Variants in ZFYVE16 observed in about 807,000 individuals in gnomAD.
The protein encoded by ZFYVE16 is zinc finger FYVE domain-containing protein 16.
ZFYVE16 carries 89 observed loss-of-function variants against 138.1 expected under a neutral mutation model. That is an observed-to-expected ratio of 0.64 (90% CI 0.54 to 0.77). ZFYVE16 has a LOEUF of 0.77. ZFYVE16 is among the 30% of genes least tolerant of loss of function. ZFYVE16 has a pLI of 0.00. For missense variants in ZFYVE16, 1,793 were observed against 1,786.7 expected (o/e 1.00, Z -0.06); for synonymous variants, 596 against 618.3 (o/e 0.96, Z 0.53).
chr5:80,468,067 T>C (rs1357265869), intron 15 of ZFYVE16, among the ~76,000 whole-genome samples: 1 of 152,210 alleles, frequency 6.6e-6, no homozygotes, highest in Non-Finnish European at 1.5e-5. Flanking sequence ...ATATGCTTTA[T>C]TCTTCTTTTC....
chr5:80,422,694 C>T (rs184871616), intron 1 of ZFYVE16, among the ~76,000 whole-genome samples: 8 of 152,240 alleles, frequency 5.3e-5, no homozygotes, highest in Non-Finnish European at 1.0e-4. Flanking sequence ...ACCTTGTGAT[C>T]TGCCCGTCTC....
chr5:80,475,614 C>T (rs757310770), intron 18 of ZFYVE16, among the ~76,000 whole-genome samples: 1 of 152,142 alleles, frequency 6.6e-6, no homozygotes, highest in Non-Finnish European at 1.5e-5. Context: ...TTCATCTTCC[C>T]TCTTTTACAC....
chr5:80,438,988 A>G lies in ZFYVE16; in HGVS notation c.2303A>G (p.His768Arg). The change falls in exon 4 of 19, where the codon CAT becomes CGT. Residue 768 changes from histidine (H) to arginine (R), a missense_variant. Physicochemically the swap from His to Arg is conservative, Grantham distance 29. Around this residue, in one of 2 missense-constraint regions of ZFYVE16, gnomAD observed 1,295 missense variants for 1,204.3 expected, o/e 1.08. Coordinates refer to ENST00000505560, the MANE Select transcript of ZFYVE16 (RefSeq NM_001284236.3). ...TTTACTTTTACCAAACGGCGACACC[A>G]TTGCCGAGCATGTGGGAAAGTAAGT... ...VKFTFTKRRHHCRACGKVFCG... is the reference protein window; with the variant it reads ...VKFTFTKRRHRCRACGKVFCG... The G allele has an allele frequency of 6.2e-7, 1 of 1,605,870 alleles. No individual in the cohort carries two copies.
chr5:80,409,846 GTTAGGT>G (rs1745165741), intron 1 of ZFYVE16: 1 of 152,228 alleles, frequency 6.6e-6, no homozygotes, highest in African/African-American at 2.4e-5. Flanking sequence ...TTGGTGGGCT[GTTAGGT>G]TGTTTAAAAT....
chr5:80,437,277 A>G lies in ZFYVE16; in HGVS notation c.592A>G (p.Asn198Asp). Residue 198 changes from asparagine to aspartate, a missense_variant, in exon 4 of 19, where the codon AAT (asparagine) becomes GAT (aspartate). Physicochemically the swap from Asn to Asp is conservative, Grantham distance 23 (BLOSUM62 1). Coordinates refer to ENST00000505560, the MANE Select transcript of ZFYVE16 (RefSeq NM_001284236.3). ...GAATGATATCAGTTCTGAATTACAAAATAGAGAAATCGGAGGAATCAAAGA... is the reference window on the plus strand; with the variant it reads ...GAATGATATCAGTTCTGAATTACAAGATAGAGAAATCGGAGGAATCAAAGA... ...QQNDISSELQNREIGGIKELG... is the reference protein window; with the variant it reads ...QQNDISSELQDREIGGIKELG... 1 of 1,610,726 alleles carries G rather than the reference A, an allele frequency of 6.2e-7. No individual in the cohort carries two copies. The highest frequency in any genetic ancestry group is 1.1e-5 in the South Asian group (1 of 90,704).
Position 80,418,242 on chromosome 5 carries a change from TCTC to T in ZFYVE16, c.-93-9246_-93-9244del, listed in dbSNP as rs536849763. Among the ~76,000 whole-genome samples, 3 of 150,350 alleles carry T rather than the reference TCTC, an allele frequency of 2.0e-5. No homozygotes were observed. In the South Asian group the frequency reaches 6.4e-4, roughly 32 times the overall value. Reference sequence around the variant, plus strand: ...CTCTCCTCTCTCCTTTCTCTTCTCCTCTCCTCTTTCCTTTCCCCTCCTCTTTGC... The same window carrying T: ...CTCTCCTCTCTCCTTTCTCTTCTCCTCTCTTTCCTTTCCCCTCCTCTTTGC... On this transcript the variant is annotated intron_variant, in intron 1 of 18. Transcript: ENST00000505560.
chr5:80,414,789 C>T (rs1745968349), intron 1 of ZFYVE16, among the ~76,000 whole-genome samples: 2 of 152,088 alleles, frequency 1.3e-5, no homozygotes, highest in South Asian at 4.1e-4. Flanking sequence ...AAGTAAATAA[C>T]TGCTTTAGAA....
chr5:80,443,388 C>T, intron 6 of ZFYVE16, 104 bp downstream of exon 6: 2 of 1,302,418 alleles, frequency 1.5e-6, no homozygotes, highest in South Asian at 1.4e-5. Flanking sequence ...GACTAGGTAT[C>T]AAGAGAGATT....
chr5:80,418,103 T>A (rs1746520580), intron 1 of ZFYVE16, among the ~76,000 whole-genome samples: 1 of 152,212 alleles, frequency 6.6e-6, no homozygotes, highest in Non-Finnish European at 1.5e-5. Context: ...AGATGTCCAT[T>A]CAGTACTTTT....
chr5:80,440,784 T>A, intron 5 of ZFYVE16: 4 of 985,180 alleles, frequency 4.1e-6, no homozygotes, highest in Non-Finnish European at 4.8e-6. Flanking sequence ...GTTTAATTCC[T>A]AGCAAATATT....
chr5:80,441,204 G>T (rs1750670637), intron 5 of ZFYVE16: 1 of 985,348 alleles, frequency 1.0e-6, no homozygotes, highest in Non-Finnish European at 1.2e-6. Flanking sequence ...CACTTAAAAA[G>T]AAATTAAACA....
At chr5:80,461,988 A>G (rs1362326672) in intron 15 of ZFYVE16, among the ~76,000 whole-genome samples, 2 of 152,048 alleles carry the variant, frequency 1.3e-5, no homozygotes, top group Non-Finnish European at 2.9e-5. Flanking sequence ...AAAACAAAAA[A>G]AAAACACCAG....
chr5:80,472,721 T>A, intron 15 of ZFYVE16, 40 bp from the exon 16 acceptor site: 1 of 1,595,736 alleles, frequency 6.3e-7, no homozygotes, highest in Non-Finnish European at 8.6e-7. Context: ...TACACATTGG[T>A]ATTTGGCAAA....
rs769795629 is a variant in ZFYVE16 at position 80,438,012 on chromosome 5, C to T, written c.1327C>T (p.Leu443Phe). ...LLKQEKCKSI[L>F]LQSLIEGMED... Reference sequence around the variant, plus strand: ...GAAACAGGAAAAATGTAAAAGCATACTCCTTCAGTCATTAATTGAAGGGAT... The same window carrying T: ...GAAACAGGAAAAATGTAAAAGCATATTCCTTCAGTCATTAATTGAAGGGAT... The change falls in exon 4 of 19, where the codon CTC (leucine) becomes TTC (phenylalanine). Residue 443 changes from leucine (L) to phenylalanine (F), a missense_variant. Around this residue, in one of 2 missense-constraint regions of ZFYVE16, gnomAD observed 1,295 missense variants for 1,204.3 expected, o/e 1.08. Coordinates refer to ENST00000505560, the MANE Select transcript of ZFYVE16 (RefSeq NM_001284236.3). 1.9e-6 allele frequency: 3 copies of T among 1,614,036 alleles called. No homozygotes were observed. Among genetic ancestry groups the T allele is most frequent in the South Asian group, 2.2e-5 (2 of 91,070 alleles).
At position 80,438,274 on chromosome 5, in the gene ZFYVE16, A is replaced by T; in HGVS notation, c.1589A>T (p.Asp530Val). Residue 530 changes from aspartate (D) to valine (V), a missense_variant, in exon 4 of 19, where the codon GAT becomes GTT. Around this residue, in one of 2 missense-constraint regions of ZFYVE16, gnomAD observed 1,295 missense variants for 1,204.3 expected, o/e 1.08. Transcript: ENST00000505560. ...GCAAAAAGTGGCCCACTAATTAGTG[A>T]TGCTGAACTTGATGCCTTTCTGACA... The part of the protein sequence containing the change: ...EGAKSGPLIS[D>V]AELDAFLTEQ... The T allele has an allele frequency of 6.2e-7, 1 of 1,614,094 alleles. No individual in the cohort carries two copies. Among genetic ancestry groups the T allele is most frequent in the Non-Finnish European group, 8.5e-7 (1 of 1,179,968 alleles).
rs558128138 is a variant in ZFYVE16, at chr5:80,435,328, C to T, written c.70+1111C>T. Among the ~76,000 whole-genome samples the T allele has an allele frequency of 5.9e-5, 9 of 152,044 alleles. No homozygotes were observed. The East Asian group carries it at 7.8e-4, about 13-fold the overall frequency. ...GATTACAGGCCTGAGCCACCAGGCC[C>T]GGCCTAATTTTTGTATTTTTGGTAG... On this transcript the variant is annotated intron_variant, in intron 3 of 18. Coordinates refer to ENST00000505560, the MANE Select transcript of ZFYVE16 (RefSeq NM_001284236.3).
At chr5:80,440,308 CTATT>C in intron 5 of ZFYVE16, 1 of 1,068,096 alleles carries the variant, frequency 9.4e-7, no homozygotes, top group South Asian at 3.8e-5. Context: ...TTTCATCTGC[CTATT>C]TGTTTTTGTC....
At chr5:80,465,405 T>TTTTTTTTTTTG (rs1561325363) in intron 15 of ZFYVE16, among the ~76,000 whole-genome samples, 1 of 103,288 alleles carries the variant, frequency 9.7e-6, no homozygotes, top group African/African-American at 3.7e-5. Context: ...TCTTTGTTTT[T>TTTTTTTTTTTG]TTTTTTTTTT....
In ZFYVE16 at chr5:80,437,510, T is replaced by A; in HGVS notation, c.825T>A (p.Val275=). The A allele has an allele frequency of 6.2e-7, 1 of 1,613,160 alleles. No homozygotes were observed. The highest frequency in any genetic ancestry group is 8.5e-7 in the Non-Finnish European group (1 of 1,179,780). ...KSQPCGLLKD[V]GLVKEEVDVA... ...AGCCATGTGGATTACTAAAAGATGT[T>A]GGCTTAGTAAAAGAGGAAGTAGATG... The change falls in exon 4 of 19, where the codon GTT becomes GTA. Residue 275 remains valine, a synonymous_variant. Transcript: ENST00000505560.
Sources: allele counts gnomAD v4.1 joint callset (sites outside exome capture counted in the v4.1 genomes callset), GRCh38; gene constraint gnomAD v4.1.1; regional missense constraint gnomAD v4.1.1; transcripts MANE v1.5; gene names NCBI Gene and HGNC (gene_info 2026-07-23, HGNC 2026-07-21).